ZNF654: variants seen among roughly 807,000 people sequenced by gnomAD.
ZNF654 encodes zinc finger protein 654, also known as melanoma-associated antigen.
In ZNF654, 19 loss-of-function variants were observed where a neutral mutation model predicts 95.3. That is an observed-to-expected ratio of 0.20 (90% CI 0.14 to 0.29). ZNF654 has a LOEUF of 0.29. Ranked by LOEUF, ZNF654 falls within the 10% of genes least tolerant of loss-of-function variation. The pLI is 1.00. For synonymous variants in ZNF654, 413 were observed against 457.9 expected (o/e 0.90, Z 1.25); for missense variants, 1,046 against 1,341.0 (o/e 0.78, Z 3.44).
At chr3:88,137,881 G>T (rs918035633) in intron 7 of ZNF654, among the ~76,000 whole-genome samples, 2 of 151,982 alleles carry the variant, frequency 1.3e-5, no homozygotes, top group African/African-American at 4.8e-5. Flanking sequence ...TATACCATAT[G>T]TAGGCAGTAT....
At chr3:88,086,507 C>A in intron 2 of ZNF654, 105 bp downstream of exon 2, 1 of 996,030 alleles carries the variant, frequency 1.0e-6, no homozygotes, top group Non-Finnish European at 1.4e-6. Flanking sequence ...AAAGTATTCC[C>A]TCAAAAAGAA....
chr3:88,115,326 A>G (rs971903647), intron 3 of ZNF654, among the ~76,000 whole-genome samples: 1 of 152,190 alleles, frequency 6.6e-6, no homozygotes. Context: ...TTTGCTGCTT[A>G]CACTGTGTCA....
chr3:88,077,800 G>T (rs1707893944), intron 1 of ZNF654, among the ~76,000 whole-genome samples: 1 of 152,164 alleles, frequency 6.6e-6, no homozygotes, highest in Non-Finnish European at 1.5e-5. Flanking sequence ...GGTTCAAAGA[G>T]TTATTTACTG....
At chr3:88,105,238 A>C (rs1175637199) in intron 2 of ZNF654, among the ~76,000 whole-genome samples, 15 of 152,066 alleles carry the variant, frequency 9.9e-5, no homozygotes, top group African/African-American at 3.1e-4. Flanking sequence ...CAAATAACAT[A>C]TCCATGCCCT....
intron 2 of ZNF654, among the ~76,000 whole-genome samples, chr3:88,099,485 T>C (rs137863273): frequency 0.067 from 10,253 of 152,184 alleles, 476 homozygotes; most frequent in Non-Finnish European, 0.1. Flanking sequence ...ACTTTAAAGC[T>C]CATACGGAAC....
chr3:88,137,194 CAAAAAAAAAA>C (rs11401199), intron 7 of ZNF654, among the ~76,000 whole-genome samples: 1 of 70,722 alleles, frequency 1.4e-5, no homozygotes, highest in Non-Finnish European at 2.3e-5. Flanking sequence ...GACTCTGTCT[CAAAAAAAAAA>C]AAAAAAAAAA....
chr3:88,118,354 G>A (rs1008328854), intron 3 of ZNF654, among the ~76,000 whole-genome samples: 6 of 152,160 alleles, frequency 3.9e-5, no homozygotes, highest in East Asian at 1.9e-4. Flanking sequence ...ATCTCACTGC[G>A]TAATATACCA....
chr3:88,081,494 T>G (rs368895309), intron 1 of ZNF654, among the ~76,000 whole-genome samples: 2 of 152,340 alleles, frequency 1.3e-5, no homozygotes, highest in Admixed American at 6.5e-5. Flanking sequence ...TCTGTTTGTC[T>G]TTTTCCTTCT....
intron 3 of ZNF654, among the ~76,000 whole-genome samples, chr3:88,120,804 G>C (rs1471894438): frequency 1.8e-5 from 1 of 55,856 alleles, no homozygotes; most frequent in African/African-American, 3.9e-5. Context: ...TATAAAGTCA[G>C]TGACATTAGT....
chr3:88,138,328 AT>A (rs1445187098), intron 7 of ZNF654, among the ~76,000 whole-genome samples: 4 of 152,266 alleles, frequency 2.6e-5, no homozygotes, highest in African/African-American at 9.6e-5. Flanking sequence ...AATACACATA[AT>A]TTTGACCCTT....
chr3:88,130,778 A>G (rs1706411717), intron 6 of ZNF654, among the ~76,000 whole-genome samples: 1 of 151,940 alleles, frequency 6.6e-6, no homozygotes, highest in African/African-American at 2.4e-5. Flanking sequence ...TTTATAGATT[A>G]AAATCTTCAA....
rs368256659 is a variant in ZNF654, at chr3:88,139,665, A to G, written c.1996A>G (p.Ile666Val). 1.5e-5 allele frequency: 24 copies of G among 1,609,740 alleles called. No individual in the cohort carries two copies. Among genetic ancestry groups the G allele is most frequent in the South Asian group, 9.9e-5 (9 of 90,536 alleles). Residue 666 changes from isoleucine (I) to valine (V), a missense_variant, in exon 8 of 9, where the codon ATA (isoleucine) becomes GTA (valine). Coordinates refer to ENST00000636215, the MANE Select transcript of ZNF654 (RefSeq NM_001350134.2). Reference protein sequence around the residue: ...EHVAEFIEIPISVPEDVIENV... With the variant: ...EHVAEFIEIPVSVPEDVIENV... ...TGTGGCTGAATTCATTGAAATTCCC[A>G]TAAGTGTACCAGAAGATGTTATTGA...
In ZNF654 at chr3:88,143,540, A is replaced by T. The variant is rs918367341; in HGVS notation, c.*1888A>T. On this transcript the variant is annotated 3_prime_UTR_variant, in exon 9 of 9. Transcript: ENST00000636215. ...TTTGGACAGTGAAGTCTTTTGAAATATTTCTGCTTTGTACATTTTCCAGAA... is the reference window on the plus strand; with the variant it reads ...TTTGGACAGTGAAGTCTTTTGAAATTTTTCTGCTTTGTACATTTTCCAGAA... The T allele has an allele frequency of 4.6e-5, 7 of 152,268 alleles. No individual in the cohort carries two copies. Among genetic ancestry groups the T allele is most frequent in the Non-Finnish European group, 1.0e-4 (7 of 67,760 alleles). The allele number at this position is 152,268 out of a possible 1,614,324, so 9.4% of individuals were successfully genotyped here. A position where few individuals can be genotyped will look rare whatever the true frequency, so the allele number is the denominator to read the frequency against.
At position 88,059,395 on chromosome 3, in the gene ZNF654, G is replaced by T. The variant is rs1390041704; in HGVS notation, c.76G>T (p.Gly26Cys). 1.3e-6 allele frequency: 2 copies of T among 1,535,040 alleles called. No homozygotes were observed. The highest frequency in any genetic ancestry group is 1.2e-5 in the South Asian group (1 of 84,044). ...ELVAIVESPL[G>C]PVGLRAAGDG... ...TGTGGCCATTGTGGAGTCCCCGCTG[G>T]GCCCTGTGGGGCTTAGAGCTGCGGG... The change falls in exon 1 of 9, where the codon GGC becomes TGC. Residue 26 changes from glycine (G) to cysteine (C), a missense_variant. Physicochemically the swap from Gly to Cys is radical, Grantham distance 159 (BLOSUM62 -3). This residue lies in a region of ZNF654 where 89 missense variants were observed against 77.9 expected (regional missense o/e 1.14). Transcript: ENST00000636215.
At chr3:88,125,408 T>A (rs1359676764) in intron 3 of ZNF654, among the ~76,000 whole-genome samples, 1 of 152,172 alleles carries the variant, frequency 6.6e-6, no homozygotes, top group Non-Finnish European at 1.5e-5. Context: ...CCAAGCAGAT[T>A]CTCTGAAAAA....
At chr3:88,074,298 C>G (rs1461592189) in intron 1 of ZNF654, among the ~76,000 whole-genome samples, 3 of 151,426 alleles carry the variant, frequency 2.0e-5, no homozygotes, top group Non-Finnish European at 1.5e-5. Flanking sequence ...TTCTTTTAGC[C>G]CTCTAAAGGA....
At chr3:88,097,624 G>A (rs1454569737) in intron 2 of ZNF654, among the ~76,000 whole-genome samples, 1 of 151,904 alleles carries the variant, frequency 6.6e-6, no homozygotes, top group Non-Finnish European at 1.5e-5. Context: ...GAAATCACAA[G>A]ATACTGTCTC....
intron 2 of ZNF654, among the ~76,000 whole-genome samples, chr3:88,103,166 A>AT (rs570313871): frequency 9.6e-4 from 145 of 151,768 alleles, no homozygotes; most frequent in South Asian, 6.8e-3. Context: ...TTACAGACAC[A>AT]TTTTTTTTTA....
intron 2 of ZNF654, among the ~76,000 whole-genome samples, chr3:88,103,652 T>C (rs181324403): frequency 1.9e-4 from 29 of 151,728 alleles, no homozygotes; most frequent in Non-Finnish European, 3.8e-4. Context: ...AAAAAAGACA[T>C]GATCCAAAGA....
Sources: allele counts gnomAD v4.1 joint callset (sites outside exome capture counted in the v4.1 genomes callset), GRCh38; gene constraint gnomAD v4.1.1; regional missense constraint gnomAD v4.1.1; transcripts MANE v1.5; gene names NCBI Gene and HGNC (gene_info 2026-07-23, HGNC 2026-07-21).